Variants in CILP2 observed in about 807,000 individuals in gnomAD.
The protein encoded by CILP2 is cartilage intermediate layer protein 2.
In CILP2, 38 loss-of-function variants were observed where a neutral mutation model predicts 45.6. The observed-to-expected ratio is 0.83, with a 90% CI of 0.64 to 1.09. CILP2 has a LOEUF of 1.09. CILP2 is among the 50% of genes least tolerant of loss of function. The probability of loss-of-function intolerance (pLI) is 0.00; values close to 1 mark genes in which losing one functional copy is unlikely to be tolerated. For synonymous variants in CILP2, 780 were observed against 723.5 expected (o/e 1.08, Z -1.25); for missense variants, 1,735 against 1,662.2 (o/e 1.04, Z -0.76).
intron 2 of CILP2, 150 bp downstream of exon 2, chr19:19,539,927 T>C: frequency 1.4e-6 from 1 of 714,872 alleles, no homozygotes; most frequent in South Asian, 2.2e-5. Context: ...CTGGAGGTGA[T>C]GCCCCAAGTT....
Position 19,543,663 on chromosome 19 carries a change from T to C in CILP2, c.1136-18T>C. The C allele has an allele frequency of 6.3e-7, 1 of 1,575,880 alleles. No homozygotes were observed. Among genetic ancestry groups the C allele is most frequent in the Non-Finnish European group, 8.6e-7 (1 of 1,158,866 alleles). Reference sequence around the variant, plus strand: ...GTCCTCCTCCCTGCCCTGACCTGCATGTTTTCTTTGTCCCCAGCCCCAGGC... The same window carrying C: ...GTCCTCCTCCCTGCCCTGACCTGCACGTTTTCTTTGTCCCCAGCCCCAGGC... On this transcript the variant is annotated intron_variant, in intron 7 of 7. Coordinates refer to ENST00000291495, the MANE Select transcript of CILP2 (RefSeq NM_153221.2).
rs1315433247 is a variant in CILP2, at chr19:19,543,693, C to A, written c.1148C>A (p.Pro383Gln). 1 of 1,592,902 alleles carries A rather than the reference C, an allele frequency of 6.3e-7. No individual in the cohort carries two copies. Among genetic ancestry groups the A allele is most frequent in the Non-Finnish European group, 8.6e-7 (1 of 1,167,288 alleles). The change falls in exon 8 of 8, where the codon CCA (proline) becomes CAA (glutamine). Residue 383 changes from proline to glutamine, a missense_variant. Physicochemically the swap from Pro to Gln is moderately conservative, Grantham distance 76 (BLOSUM62 -1). Transcript: ENST00000291495. Reference protein sequence around the residue: ...ARLTVLAPGQPACDPRPREYL... With the variant: ...ARLTVLAPGQQACDPRPREYL... ...TCTTTGTCCCCAGCCCCAGGCCAGC[C>A]AGCCTGCGACCCCCGGCCCCGAGAG...
chr19:19,545,690 C>G lies in CILP2; in HGVS notation c.3145C>G (p.Leu1049Val). ...PAEDPAAFSMLAPLDPLGHNY... is the reference protein window; with the variant it reads ...PAEDPAAFSMVAPLDPLGHNY... Reference sequence around the variant, plus strand: ...GGAGGACCCAGCTGCCTTCTCCATGCTGGCCCCCCTAGACCCTCTGGGCCA... The same window carrying G: ...GGAGGACCCAGCTGCCTTCTCCATGGTGGCCCCCCTAGACCCTCTGGGCCA... Residue 1049 changes from leucine (L) to valine (V), a missense_variant, in exon 8 of 8, where the codon CTG becomes GTG. Leu to Val is a conservative substitution (Grantham distance 32). Coordinates refer to ENST00000291495, the MANE Select transcript of CILP2 (RefSeq NM_153221.2). 6.2e-7 allele frequency: 1 copy of G among 1,612,318 alleles called. No individual in the cohort carries two copies. Among genetic ancestry groups the G allele is most frequent in the Non-Finnish European group, 8.5e-7 (1 of 1,179,434 alleles).
chr19:19,545,936 A>G lies in CILP2; in HGVS notation c.3391A>G (p.Arg1131Gly). The G allele has an allele frequency of 6.4e-7, 1 of 1,573,920 alleles. No homozygotes were observed. The highest frequency in any genetic ancestry group is 8.7e-7 in the Non-Finnish European group (1 of 1,154,638). The change falls in exon 8 of 8, where the codon AGG becomes GGG. Residue 1131 changes from arginine (R) to glycine (G), a missense_variant. Transcript: ENST00000291495. ...SPATALGDIR[R>G]EMSEAAQAQA... ...GGCGACAGCACTTGGTGACATCCGC[A>G]GGGAGATGAGCGAGGCGGCGCAGGC...
chr19:19,540,590 G>C, intron 3 of CILP2, 114 bp downstream of exon 3: 1 of 1,193,762 alleles, frequency 8.4e-7, no homozygotes, highest in Non-Finnish European at 1.1e-6. Flanking sequence ...GGGTGTGGGC[G>C]TGGCTGGGAA....
rs1177781508 is a variant in CILP2 at position 19,542,877 on chromosome 19, G to T, written c.882G>T (p.Leu294=). 2.5e-6 allele frequency: 4 copies of T among 1,613,650 alleles called. No homozygotes were observed. In the South Asian group the frequency reaches 3.3e-5, roughly 13 times the overall value. The change falls in exon 6 of 8, where the codon CTG becomes CTT. Residue 294 remains leucine (L), a synonymous_variant. Coordinates refer to ENST00000291495, the MANE Select transcript of CILP2 (RefSeq NM_153221.2). ...IILDKLEKPY[L]VKHPESRVRE... is the part of the protein sequence containing the mutation. ...CTTTGACCCCAGAGAAGCCGTACCT[G>T]GTGAAACACCCTGAGTCCCGAGTGC...
chr19:19,541,196 G>A lies in CILP2; in HGVS notation c.542G>A (p.Cys181Tyr). 1.6e-6 allele frequency: 2 copies of A among 1,274,758 alleles called. No individual in the cohort carries two copies. The highest frequency in any genetic ancestry group is 3.2e-5 in the South Asian group (1 of 31,290). 79.0% of individuals were successfully genotyped at this position (1,274,758 alleles called of 1,614,324 possible). A position where few individuals can be genotyped will look rare whatever the true frequency, so the allele number is the denominator to read the frequency against. The change falls in exon 4 of 8, where the codon TGT becomes TAT. Residue 181 changes from cysteine to tyrosine, a missense_variant. By Grantham distance (194) the Cys-to-Tyr change is radical (BLOSUM62 -2). Coordinates refer to ENST00000291495, the MANE Select transcript of CILP2 (RefSeq NM_153221.2). ...TGCCCAAGCCCCGCTGGGGATGCGTGTCCCGGGCGTCCTCTGGAGGCGCAG... is the reference window on the plus strand; with the variant it reads ...TGCCCAAGCCCCGCTGGGGATGCGTATCCCGGGCGTCCTCTGGAGGCGCAG... The part of the protein sequence containing the change: ...RHCPSPAGDA[C>Y]PGRPLEAQKC...
Position 19,544,164 on chromosome 19 carries a change from T to C in CILP2, c.1619T>C (p.Phe540Ser), listed in dbSNP as rs1224515993. Residue 540 changes from phenylalanine (F) to serine (S), a missense_variant, in exon 8 of 8, where the codon TTT (phenylalanine) becomes TCT (serine). Transcript: ENST00000291495. ...ATGGACGCTGTCCGGGTCTTGCCTT[T>C]TGATCCTCGAGGTGCCGGCGTGTAC... ...EFMDAVRVLP[F>S]DPRGAGVYHE... The C allele has an allele frequency of 6.2e-7, 1 of 1,613,796 alleles. No homozygotes were observed. The highest frequency in any genetic ancestry group is 1.1e-5 in the South Asian group (1 of 91,086).
rs2061253940 is a variant in CILP2 at position 19,544,015 on chromosome 19, C to A, written c.1470C>A (p.Phe490Leu). ...VAADSGEPLR[F>L]ARILLGQEPI... ...CTGACTCCGGGGAGCCGCTACGCTTCGCCAGGATTCTGCTGGGCCAGGAGC... is the reference window on the plus strand; with the variant it reads ...CTGACTCCGGGGAGCCGCTACGCTTAGCCAGGATTCTGCTGGGCCAGGAGC... The change falls in exon 8 of 8, where the codon TTC becomes TTA. Residue 490 changes from phenylalanine to leucine, a missense_variant. Phe to Leu is a conservative substitution (Grantham distance 22). Coordinates refer to ENST00000291495, the MANE Select transcript of CILP2 (RefSeq NM_153221.2). 6.2e-7 allele frequency: 1 copy of A among 1,613,644 alleles called. No homozygotes were observed. Among genetic ancestry groups the A allele is most frequent in the African/African-American group, 1.3e-5 (1 of 74,952 alleles).
Position 19,546,098 on chromosome 19 carries a change from A to G in CILP2, c.*82A>G. On this transcript the variant is annotated 3_prime_UTR_variant, in exon 8 of 8. Coordinates refer to ENST00000291495, the MANE Select transcript of CILP2 (RefSeq NM_153221.2). Reference sequence around the variant, plus strand: ...TTTTGCCCCTCCTTCTTCTCCAGACAGCCCCCTCCCCAGGTGTCTGGGTCC... The same window carrying G: ...TTTTGCCCCTCCTTCTTCTCCAGACGGCCCCCTCCCCAGGTGTCTGGGTCC... The G allele has an allele frequency of 8.3e-7, 1 of 1,207,596 alleles. No homozygotes were observed. The highest frequency in any genetic ancestry group is 1.1e-6 in the Non-Finnish European group (1 of 923,290). The allele number at this position is 1,207,596 out of a possible 1,614,324, so 74.8% of individuals were successfully genotyped here.
In CILP2 at chr19:19,545,655, C is replaced by T. The variant is rs773105817; in HGVS notation, c.3110C>T (p.Pro1037Leu). 3.7e-6 allele frequency: 6 copies of T among 1,609,010 alleles called. No homozygotes were observed. In the East Asian group the frequency reaches 6.7e-5, roughly 18 times the overall value. Residue 1037 changes from proline to leucine, a missense_variant, in exon 8 of 8, where the codon CCG (proline) becomes CTG (leucine). Coordinates refer to ENST00000291495, the MANE Select transcript of CILP2 (RefSeq NM_153221.2). The stretch of plus-strand genomic sequence containing the variant: ...GATTACCTGACCCGGCACCCCCCAC[C>T]GGTGCCCGCGGAGGACCCAGCTGCC... The part of the protein sequence containing the change: ...LRDYLTRHPP[P>L]VPAEDPAAFS...
chr19:19,544,285 C>A lies in CILP2; in HGVS notation c.1740C>A (p.Pro580=). ...TGGGCGAGCTGGAAGATGAGGCGCC[C>A]CTGGGCGAGCTGGTCCTGCCTTCTG... ...IPLGELEDEA[P]LGELVLPSGA... is the part of the protein sequence containing the mutation. Residue 580 remains proline, a synonymous_variant, in exon 8 of 8, where the codon CCC becomes CCA. Coordinates refer to ENST00000291495, the MANE Select transcript of CILP2 (RefSeq NM_153221.2). 6.2e-7 allele frequency: 1 copy of A among 1,613,412 alleles called. No homozygotes were observed.
rs1406277815 is a variant in CILP2 at position 19,544,777 on chromosome 19, C to T, written c.2232C>T (p.Tyr744=). The T allele has an allele frequency of 4.4e-6, 7 of 1,606,698 alleles. No homozygotes were observed. In the African/African-American group the frequency reaches 6.7e-5, roughly 15 times the overall value. ...RRRCFVKVRA[Y]ANDKFTPSEQ... ...GCTGCTTCGTGAAGGTGCGCGCCTA[C>T]GCCAACGACAAGTTCACCCCCAGCG... The change falls in exon 8 of 8, where the codon TAC becomes TAT. Residue 744 remains tyrosine, a synonymous_variant. Transcript: ENST00000291495.
chr19:19,540,111 G>A, intron 2 of CILP2, 93 bp from the exon 3 acceptor site: 1 of 1,394,178 alleles, frequency 7.2e-7, no homozygotes. Flanking sequence ...TGCCCACCGG[G>A]GGAGGGGGCT....
chr19:19,540,460 C>T lies in CILP2; in HGVS notation c.420C>T (p.Arg140=). Residue 140 remains arginine (R), a synonymous_variant, in exon 3 of 8, where the codon CGC becomes CGT. Transcript: ENST00000291495. ...RGRRCSNYHV[R]FRCPLEASWG... The stretch of plus-strand genomic sequence containing the variant: ...GCCGCTGCTCCAACTACCACGTGCG[C>T]TTCCGCTGCCCACTAGGTGAGGGCG... 3 of 1,435,986 alleles carry T rather than the reference C, an allele frequency of 2.1e-6. No individual in the cohort carries two copies. Among genetic ancestry groups the T allele is most frequent in the Non-Finnish European group, 2.7e-6 (3 of 1,097,704 alleles). The allele number at this position is 1,435,986 out of a possible 1,614,324, so 89.0% of individuals were successfully genotyped here.
At chr19:19,539,581 G>GGGT (rs976199672) in intron 1 of CILP2, 98 bp from the exon 2 acceptor site, 18 of 522,434 alleles carry the variant, frequency 3.4e-5, no homozygotes, top group South Asian at 4.7e-5. Context: ...AAAAAAAAAA[G>GGGT]GGGGGGGATG....
rs1204943198 is a variant in CILP2 at position 19,545,877 on chromosome 19, G to T, written c.3332G>T (p.Arg1111Leu). ...CAGTGCCGGGAGCCACCGGCCGGAC[G>T]ACCCAGCCTCTTCCAGAGGCTGCTG... Reference protein sequence around the residue: ...TFQCREPPAGRPSLFQRLLES... With the variant: ...TFQCREPPAGLPSLFQRLLES... Residue 1111 changes from arginine to leucine, a missense_variant, in exon 8 of 8, where the codon CGA becomes CTA. Coordinates refer to ENST00000291495, the MANE Select transcript of CILP2 (RefSeq NM_153221.2). 1 of 1,587,040 alleles carries T rather than the reference G, an allele frequency of 6.3e-7. No homozygotes were observed. Among genetic ancestry groups the T allele is most frequent in the Non-Finnish European group, 8.6e-7 (1 of 1,161,260 alleles).
Position 19,544,065 on chromosome 19 carries a change from G to C in CILP2, c.1520G>C (p.Gly507Ala). The C allele has an allele frequency of 6.2e-7, 1 of 1,613,978 alleles. No individual in the cohort carries two copies. The highest frequency in any genetic ancestry group is 1.7e-4 in the Middle Eastern group (1 of 6,056). ...CCCATCGGCTTCACCGCCTACCAGG[G>C]CGACTTTACCATTGAGGTGCCGCCC... Reference protein sequence around the residue: ...QEPIGFTAYQGDFTIEVPPST... With the variant: ...QEPIGFTAYQADFTIEVPPST... Residue 507 changes from glycine to alanine, a missense_variant, in exon 8 of 8, where the codon GGC becomes GCC. Coordinates refer to ENST00000291495, the MANE Select transcript of CILP2 (RefSeq NM_153221.2).
chr19:19,541,004 G>A, intron 3 of CILP2, 87 bp from the exon 4 acceptor site: 1 of 1,168,388 alleles, frequency 8.6e-7, no homozygotes, highest in African/African-American at 1.6e-5. Context: ...AGGGGGTTGG[G>A]GAAGAAGGGT....
Sources: gnomAD v4.1 joint callset for allele counts on GRCh38, gnomAD v4.1.1 for gene constraint, MANE v1.5 for transcripts, NCBI Gene and HGNC (gene_info 2026-07-23, HGNC 2026-07-21) for gene names.